GPX6: variants seen among roughly 807,000 people sequenced by gnomAD.
GPX6 encodes glutathione peroxidase 6 (olfactory).
In GPX6, 21 loss-of-function variants were observed where a neutral mutation model predicts 20.0. That is an observed-to-expected ratio of 1.05 (90% CI 0.74 to 1.51). The LOEUF is 1.51. GPX6 is among the 40% of genes most tolerant of loss of function. The probability of loss-of-function intolerance (pLI) is 0.00; values close to 1 mark genes in which losing one functional copy is unlikely to be tolerated. For synonymous variants in GPX6, 75 were observed against 98.0 expected, an observed-to-expected ratio of 0.77 and a Z score of 1.38; for missense variants, 233 against 254.7, an observed-to-expected ratio of 0.91 and a Z score of 0.58.
intron 3 of GPX6, among the ~76,000 whole-genome samples, chr6:28,506,067 C>G (rs1280894663): frequency 6.6e-6 from 1 of 152,190 alleles, no homozygotes; most frequent in Non-Finnish European, 1.5e-5. Context: ...CTTATACTCC[C>G]TTCTTTTCTC....
At chr6:28,513,860 A>G (rs1291793163) in intron 1 of GPX6, among the ~76,000 whole-genome samples, 1 of 152,174 alleles carries the variant, frequency 6.6e-6, no homozygotes, top group Non-Finnish European at 1.5e-5. Flanking sequence ...GAAACTCTTT[A>G]TCATCTTCTG....
chr6:28,506,501 A>G (rs1383470429), intron 2 of GPX6, 72 bp from the exon 3 acceptor site: 11 of 829,148 alleles, frequency 1.3e-5, no homozygotes, highest in African/African-American at 1.0e-4. Flanking sequence ...AGATCACTGA[A>G]TGTATCCATT....
chr6:28,506,464 G>A (rs562864471), intron 2 of GPX6, 35 bp from the exon 3 acceptor site: 7 of 1,202,510 alleles, frequency 5.8e-6, no homozygotes, highest in East Asian at 4.7e-5. Flanking sequence ...GGGTGGGCTG[G>A]TCAGGAGGCC....
In GPX6 at chr6:28,515,774, C is replaced by T; in HGVS notation, c.-31G>A. 1 of 1,575,008 alleles carries T rather than the reference C, an allele frequency of 6.3e-7. No homozygotes were observed. The highest frequency in any genetic ancestry group is 8.7e-7 in the Non-Finnish European group (1 of 1,145,068). Reference sequence around the variant, plus strand: ...GGAGTTTTAGACGACTCTGAGGTCCCCAGGATTTCAGCCCCTTTTGAGCCC... The same window carrying T: ...GGAGTTTTAGACGACTCTGAGGTCCTCAGGATTTCAGCCCCTTTTGAGCCC... On this transcript the variant is annotated 5_prime_UTR_variant, in exon 1 of 5. Transcript: ENST00000361902.
Position 28,503,901 on chromosome 6 carries a change from A to G in GPX6, c.*391T>C, listed in dbSNP as rs1762779596. The stretch of plus-strand genomic sequence containing the variant: ...GGGATAGATGTCACAACTTCTCGGG[A>G]TTGCTTTTTTAGGGACACAGGATAG... On this transcript the variant is annotated 3_prime_UTR_variant, in exon 5 of 5. Transcript: ENST00000361902. The G allele has an allele frequency of 1.1e-5, 2 of 173,918 alleles. No individual in the cohort carries two copies. Among genetic ancestry groups the G allele is most frequent in the Middle Eastern group, 2.6e-3 (1 of 380 alleles). The allele number at this position is 173,918 out of a possible 1,614,324, so 10.8% of individuals were successfully genotyped here.
Position 28,504,172 on chromosome 6 carries a change from G to T in GPX6, c.*120C>A. On this transcript the variant is annotated 3_prime_UTR_variant, in exon 5 of 5. Coordinates refer to ENST00000361902, the MANE Select transcript of GPX6 (RefSeq NM_182701.1). ...GTGCTTGGGTAGTACAGGATGGTTT[G>T]GTCATCAGGAGGCTGGGTAGGCACG... 2 of 859,820 alleles carry T rather than the reference G, an allele frequency of 2.3e-6. No homozygotes were observed. The highest frequency in any genetic ancestry group is 3.7e-6 in the Non-Finnish European group (2 of 536,302). The allele number at this position is 859,820 out of a possible 1,614,324, so 53.3% of individuals were successfully genotyped here. A position where few individuals can be genotyped will look rare whatever the true frequency, so the allele number is the denominator to read the frequency against.
intron 1 of GPX6, among the ~76,000 whole-genome samples, chr6:28,511,891 C>G (rs115162998): frequency 0.031 from 4,787 of 152,348 alleles, 207 homozygotes; most frequent in African/African-American, 0.09. Context: ...CGGGCCAGCG[C>G]GAATTCCACG....
At chr6:28,513,749 GTAATT>G (rs1762971677) in intron 1 of GPX6, among the ~76,000 whole-genome samples, 1 of 152,200 alleles carries the variant, frequency 6.6e-6, no homozygotes, top group Non-Finnish European at 1.5e-5. Flanking sequence ...GAATTTTAGA[GTAATT>G]TAAACTGGGC....
At chr6:28,513,399 C>T (rs533775423) in intron 1 of GPX6, among the ~76,000 whole-genome samples, 5 of 152,310 alleles carry the variant, frequency 3.3e-5, no homozygotes, top group Non-Finnish European at 4.4e-5. Context: ...CCACAATCTG[C>T]TAGTTTGTAT....
At chr6:28,512,903 C>T (rs961860082) in intron 1 of GPX6, among the ~76,000 whole-genome samples, 3 of 152,068 alleles carry the variant, frequency 2.0e-5, no homozygotes, top group Non-Finnish European at 4.4e-5. Flanking sequence ...CTTGAGCCAG[C>T]AAGACCACAA....
intron 1 of GPX6, among the ~76,000 whole-genome samples, chr6:28,514,779 G>A (rs537303225): frequency 1.3e-5 from 2 of 152,282 alleles, no homozygotes; most frequent in Middle Eastern, 3.4e-3. Flanking sequence ...GGCATTGTAC[G>A]CCACCTTTTA....
At position 28,506,296 on chromosome 6, in the gene GPX6, C is replaced by T; in HGVS notation, c.359+16G>A. The T allele has an allele frequency of 6.9e-7, 1 of 1,441,696 alleles. No individual in the cohort carries two copies. The highest frequency in any genetic ancestry group is 9.8e-7 in the Non-Finnish European group (1 of 1,022,592). The allele number at this position is 1,441,696 out of a possible 1,614,324, so 89.3% of individuals were successfully genotyped here. A position where few individuals can be genotyped will look rare whatever the true frequency, so the allele number is the denominator to read the frequency against. ...ATCCCGACAGGGCATCTGCAGGGTC[C>T]CATGCAAGCACTCACTTGAGACCAA... On this transcript the variant is annotated intron_variant, in intron 3 of 4. Transcript: ENST00000361902.
chr6:28,513,003 T>C (rs1006297305), intron 1 of GPX6, among the ~76,000 whole-genome samples: 2 of 152,130 alleles, frequency 1.3e-5, no homozygotes, highest in Non-Finnish European at 2.9e-5. Flanking sequence ...GGTTTCATTC[T>C]TGAAGTCAGT....
chr6:28,510,575 G>A (rs1434577103), intron 2 of GPX6, among the ~76,000 whole-genome samples, 176 bp downstream of exon 2: 1 of 152,152 alleles, frequency 6.6e-6, no homozygotes, highest in African/African-American at 2.4e-5. Flanking sequence ...CTCAAATCTG[G>A]AAATAATTAT....
chr6:28,513,467 A>C (rs1198212168), intron 1 of GPX6, among the ~76,000 whole-genome samples: 1 of 152,062 alleles, frequency 6.6e-6, no homozygotes, highest in Non-Finnish European at 1.5e-5. Context: ...AGCGAGCCAC[A>C]CGCCCCGTCG....
At chr6:28,510,399 C>T (rs779452675) in intron 2 of GPX6, among the ~76,000 whole-genome samples, 4 of 152,202 alleles carry the variant, frequency 2.6e-5, no homozygotes, top group Non-Finnish European at 5.9e-5. Flanking sequence ...AATCACGTAA[C>T]AAAAGTTCAG....
chr6:28,507,320 C>T (rs939580798), intron 2 of GPX6, among the ~76,000 whole-genome samples: 30 of 152,334 alleles, frequency 2.0e-4, no homozygotes, highest in African/African-American at 2.9e-4. Flanking sequence ...TATAGTTCTT[C>T]GGTTGCTATC....
In GPX6 at chr6:28,504,463, T is replaced by G. The variant is rs766723713; in HGVS notation, c.495A>C (p.Ser165=). 3.1e-6 allele frequency: 5 copies of G among 1,614,154 alleles called. No homozygotes were observed. Reference sequence around the variant, plus strand: ...TGGGCTCCCAGAAGAGTTGGCTTGATGAGCCCAAAAGATCAGAGGTCGGAG... The same window carrying G: ...TGGGCTCCCAGAAGAGTTGGCTTGAGGAGCCCAAAAGATCAGAGGTCGGAG... ...SCPPTSDLLG[S]SSQLFWEPMK... is the part of the protein sequence containing the mutation. Residue 165 remains serine (S), a synonymous_variant, in exon 5 of 5, where the codon TCA becomes TCC. Transcript: ENST00000361902.
intron 1 of GPX6, among the ~76,000 whole-genome samples, chr6:28,512,644 C>T (rs1034797156): frequency 2.2e-4 from 33 of 152,164 alleles, no homozygotes; most frequent in African/African-American, 7.7e-4. Flanking sequence ...CCCCGTGGGT[C>T]CCCTTCCACA....
Sources: gnomAD v4.1 joint callset for allele counts (sites outside exome capture counted in the v4.1 genomes callset) on GRCh38, gnomAD v4.1.1 for gene constraint, MANE v1.5 for transcripts, NCBI Gene and HGNC (gene_info 2026-07-23, HGNC 2026-07-21) for gene names.